KSR2: variants seen among roughly 807,000 people sequenced by gnomAD.
The protein encoded by KSR2 is kinase suppressor of ras 2.
KSR2 carries 25 observed loss-of-function variants against 107.8 expected under a neutral mutation model. That is an observed-to-expected ratio of 0.23 (90% CI 0.17 to 0.32). The LOEUF is 0.32. Among genes scored for constraint, KSR2 ranks in the 10% least tolerant of loss-of-function variants. The pLI is 1.00. For synonymous variants in KSR2, 480 were observed against 507.0 expected, an observed-to-expected ratio of 0.95 and a Z score of 0.71; for missense variants, 887 against 1,268.9, an observed-to-expected ratio of 0.70 and a Z score of 4.57.
At chr12:117,966,822 A>G (rs1359298825) in intron 1 of KSR2, among the ~76,000 whole-genome samples, 1 of 152,060 alleles carries the variant, frequency 6.6e-6, no homozygotes, top group Non-Finnish European at 1.5e-5. Context: ...AGGCTACAAC[A>G]GGGGCAGGAG....
At chr12:117,641,140 C>T (rs1883336626) in intron 5 of KSR2, among the ~76,000 whole-genome samples, 1 of 152,148 alleles carries the variant, frequency 6.6e-6, no homozygotes, top group African/African-American at 2.4e-5. Context: ...CTCCGTTGCC[C>T]AGGCTGGAGT....
chr12:117,497,800 T>A (rs1169288200), intron 14 of KSR2, among the ~76,000 whole-genome samples: 1 of 152,214 alleles, frequency 6.6e-6, no homozygotes, highest in Non-Finnish European at 1.5e-5. Flanking sequence ...GAATTCATAT[T>A]CCAAGGGGCT....
At chr12:117,534,276 A>T (rs546235617) in intron 10 of KSR2, among the ~76,000 whole-genome samples, 2 of 152,188 alleles carry the variant, frequency 1.3e-5, no homozygotes, top group Admixed American at 1.3e-4. Flanking sequence ...GTCTCACATA[A>T]AATCTAAAAT....
chr12:117,539,694 C>T (rs1365236382), intron 10 of KSR2, 25 bp downstream of exon 10: 2 of 1,586,980 alleles, frequency 1.3e-6, no homozygotes, highest in Admixed American at 3.6e-5. Flanking sequence ...CTGCACCCCT[C>T]ATGTCTCCCC....
chr12:117,793,206 A>C (rs964577450), intron 3 of KSR2, among the ~76,000 whole-genome samples: 4 of 146,312 alleles, frequency 2.7e-5, no homozygotes, highest in East Asian at 2.1e-4. Flanking sequence ...ACACACCAAC[A>C]TGCACACACC....
intron 3 of KSR2, among the ~76,000 whole-genome samples, chr12:117,814,539 G>A (rs368733715): frequency 1.3e-5 from 2 of 152,240 alleles, no homozygotes; most frequent in Admixed American, 6.5e-5. Flanking sequence ...ACAAAGGGCG[G>A]AGATTAAATA....
chr12:117,729,030 C>A (rs747763481), intron 4 of KSR2, among the ~76,000 whole-genome samples: 5 of 152,140 alleles, frequency 3.3e-5, no homozygotes, highest in African/African-American at 1.2e-4. Context: ...TTGCAAAATG[C>A]GGTTAGCGGT....
chr12:117,737,129 C>T (rs551903071), intron 4 of KSR2, among the ~76,000 whole-genome samples: 73 of 152,312 alleles, frequency 4.8e-4, no homozygotes, highest in African/African-American at 1.7e-3. Flanking sequence ...TCCTTTGTGG[C>T]GAGAGTATGA....
intron 14 of KSR2, among the ~76,000 whole-genome samples, chr12:117,521,970 T>C (rs1165641275): frequency 2.6e-5 from 4 of 152,080 alleles, no homozygotes; most frequent in Non-Finnish European, 1.5e-5. Context: ...AACACAATAA[T>C]ATGGAATCAA....
At chr12:117,587,764 C>T (rs1161023360) in intron 5 of KSR2, among the ~76,000 whole-genome samples, 1 of 152,150 alleles carries the variant, frequency 6.6e-6, no homozygotes, top group African/African-American at 2.4e-5. Flanking sequence ...GAAAATGAAA[C>T]CGTACCAACG....
intron 8 of KSR2, among the ~76,000 whole-genome samples, chr12:117,557,503 C>T (rs182542787): frequency 1.3e-5 from 2 of 152,154 alleles, no homozygotes; most frequent in Non-Finnish European, 2.9e-5. Flanking sequence ...AGCCATAAAT[C>T]GTGCATTTCT....
chr12:117,967,155 C>A (rs910089315), intron 1 of KSR2, among the ~76,000 whole-genome samples: 2 of 152,120 alleles, frequency 1.3e-5, no homozygotes, highest in Non-Finnish European at 2.9e-5. Context: ...CCTCCTTTGA[C>A]CAAATGGCCT....
At chr12:117,598,611 A>C (rs753008009) in intron 5 of KSR2, among the ~76,000 whole-genome samples, 13 of 152,160 alleles carry the variant, frequency 8.5e-5, no homozygotes, top group Non-Finnish European at 1.6e-4. Flanking sequence ...TTTTCACCAC[A>C]TCCATGCCAA....
intron 4 of KSR2, among the ~76,000 whole-genome samples, chr12:117,680,947 CAGAT>C (rs966839987): frequency 2.2e-4 from 33 of 152,108 alleles, no homozygotes; most frequent in Admixed American, 1.9e-3. Context: ...TACAGACAAA[CAGAT>C]AGCAACGAGG....
At chr12:117,850,808 CAA>C (rs11308554) in intron 3 of KSR2, among the ~76,000 whole-genome samples, 33 of 140,136 alleles carry the variant, frequency 2.4e-4, no homozygotes, top group Non-Finnish European at 3.1e-4. Flanking sequence ...GACCCCATCT[CAA>C]AAAAAAAAAA....
intron 5 of KSR2, among the ~76,000 whole-genome samples, chr12:117,650,298 T>C (rs926349667): frequency 1.3e-5 from 2 of 152,196 alleles, no homozygotes; most frequent in Non-Finnish European, 2.9e-5. Context: ...CTCCAAGTTC[T>C]TCAGTTTTGG....
chr12:117,860,379 G>C lies in KSR2; in HGVS notation c.233C>G (p.Ala78Gly). 1 of 1,613,428 alleles carries C rather than the reference G, an allele frequency of 6.2e-7. No homozygotes were observed. Among genetic ancestry groups the C allele is most frequent in the Non-Finnish European group, 8.5e-7 (1 of 1,179,730 alleles). Residue 78 changes from alanine (A) to glycine (G), a missense_variant, in exon 2 of 20, where the codon GCC becomes GGC. Around this residue, in one of 8 missense-constraint regions of KSR2, gnomAD observed 399 missense variants for 479.5 expected, o/e 0.83. Coordinates refer to ENST00000339824, the MANE Select transcript of KSR2 (RefSeq NM_173598.6). ...SRQLSCKKKV[A>G]LQERNAELDG... ...CAGCTCCGCGTTGCGCTCCTGCAAG[G>C]CTACCTTCTTTTTGCAGGACAGCTG...
chr12:117,493,267 T>C (rs60784183), intron 14 of KSR2, among the ~76,000 whole-genome samples: 5,427 of 152,252 alleles, frequency 0.036, 343 homozygotes, highest in African/African-American at 0.12. Flanking sequence ...AGTTCATTCT[T>C]CGTCCAGTAC....
At chr12:117,666,300 T>C (rs1884656990) in intron 5 of KSR2, among the ~76,000 whole-genome samples, 1 of 152,198 alleles carries the variant, frequency 6.6e-6, no homozygotes, top group Non-Finnish European at 1.5e-5. Context: ...TACCTGCCTT[T>C]TTTTCCAGGC....
Sources: gnomAD v4.1 joint callset for allele counts (sites outside exome capture counted in the v4.1 genomes callset) on GRCh38, gnomAD v4.1.1 for gene constraint, gnomAD v4.1.1 regional missense constraint, MANE v1.5 for transcripts, NCBI Gene and HGNC (gene_info 2026-07-23, HGNC 2026-07-21) for gene names.